B4GALT5: variants seen among roughly 807,000 people sequenced by gnomAD.
B4GALT5 encodes the protein UDP-Gal:beta-GlcNAc beta-1,4-galactosyltransferase 5.
A neutral mutation model predicts 45.0 loss-of-function variants in B4GALT5; 11 were observed. The ratio of observed to expected loss-of-function variants is 0.24; its 90% CI spans 0.15 to 0.40. The LOEUF (loss-of-function observed/expected upper bound fraction) is 0.40, where lower values mean the gene tolerates loss of function less well. Among genes scored for constraint, B4GALT5 ranks in the 10% least tolerant of loss-of-function variants. B4GALT5 has a pLI of 1.00. For synonymous variants in B4GALT5, 185 were observed against 182.9 expected, an observed-to-expected ratio of 1.01 and a Z score of -0.09; for missense variants, 337 against 500.2, an observed-to-expected ratio of 0.67 and a Z score of 3.11.
At chr20:49,679,423 C>CT (rs2085754839) in intron 1 of B4GALT5, among the ~76,000 whole-genome samples, 1 of 151,928 alleles carries the variant, frequency 6.6e-6, no homozygotes, top group Non-Finnish European at 1.5e-5. Context: ...TTTCCCAGCA[C>CT]TTTGGGAGGC....
Position 49,698,438 on chromosome 20 carries a change from C to T in B4GALT5, c.115+15138G>A, listed in dbSNP as rs191003010. On this transcript the variant is annotated intron_variant, in intron 1 of 8. Coordinates refer to ENST00000371711, the MANE Select transcript of B4GALT5 (RefSeq NM_004776.4). ...GTAGCTCTTACCTAAAGTGAATTTT[C>T]CCTAGTGCCAAATGAAATTCAAATA... 3.9e-3 allele frequency among the ~76,000 whole-genome samples: 597 copies of T among 152,290 alleles called. 4 individuals carry two copies. The highest frequency in any genetic ancestry group is 5.6e-3 in the Non-Finnish European group (381 of 68,018).
At chr20:49,674,269 G>A (rs1199891789) in intron 1 of B4GALT5, among the ~76,000 whole-genome samples, 1 of 150,846 alleles carries the variant, frequency 6.6e-6, no homozygotes, top group Non-Finnish European at 1.5e-5. Flanking sequence ...AGTTTGGTTT[G>A]GGATGTATCT....
chr20:49,633,144 G>A lies in B4GALT5; in HGVS notation c.*3168C>T. ...GTAAGAGCAAGCTCAAAAACACGTA[G>A]TGATGGAAATAAGCTAGCTACGCTC... On this transcript the variant is annotated 3_prime_UTR_variant, in exon 9 of 9. Transcript: ENST00000371711. 1 of 152,756 alleles carries A rather than the reference G, an allele frequency of 6.5e-6. No homozygotes were observed. The highest frequency in any genetic ancestry group is 1.9e-4 in the East Asian group (1 of 5,186). The allele number at this position is 152,756 out of a possible 1,614,324, so 9.5% of individuals were successfully genotyped here.
chr20:49,637,132 G>A (rs987480170), intron 8 of B4GALT5, among the ~76,000 whole-genome samples: 2 of 152,112 alleles, frequency 1.3e-5, no homozygotes, highest in South Asian at 2.1e-4. Flanking sequence ...GATTTCCTTC[G>A]AAGAATCTTA....
At chr20:49,665,819 A>G (rs896118137) in intron 1 of B4GALT5, among the ~76,000 whole-genome samples, 1 of 151,236 alleles carries the variant, frequency 6.6e-6, no homozygotes, top group African/African-American at 2.4e-5. Context: ...AGAGCACTGA[A>G]GCAGGAGAGG....
At chr20:49,713,482 C>A in intron 1 of B4GALT5, 94 bp downstream of exon 1, 1 of 1,313,756 alleles carries the variant, frequency 7.6e-7, no homozygotes, top group South Asian at 1.3e-5. Context: ...CTCAGGGCCG[C>A]CTCCCGGCCG....
chr20:49,642,614 G>T, intron 4 of B4GALT5, 30 bp from the exon 5 acceptor site: 2 of 1,507,928 alleles, frequency 1.3e-6, no homozygotes, highest in Non-Finnish European at 1.8e-6. Context: ...AAGAAGCACA[G>T]TTAGGACTCT....
chr20:49,649,225 G>C (rs1372936311), intron 2 of B4GALT5, among the ~76,000 whole-genome samples: 1 of 152,178 alleles, frequency 6.6e-6, no homozygotes, highest in Non-Finnish European at 1.5e-5. Context: ...TTCAGTAGTA[G>C]CTTTCCTGAA....
At position 49,689,729 on chromosome 20, in the gene B4GALT5, T is replaced by A. The variant is rs1035216616; in HGVS notation, c.115+23847A>T. Reference sequence around the variant, plus strand: ...CTTCTTGGTGTAAAAGTTCATGCAATGAATAGGTGTGCATTTGCGGAGTTT... The same window carrying A: ...CTTCTTGGTGTAAAAGTTCATGCAAAGAATAGGTGTGCATTTGCGGAGTTT... On this transcript the variant is annotated intron_variant, in intron 1 of 8. Transcript: ENST00000371711. Among the ~76,000 whole-genome samples the A allele has an allele frequency of 4.6e-5, 7 of 152,166 alleles. No individual in the cohort carries two copies. In the East Asian group the frequency reaches 1.3e-3, roughly 29 times the overall value.
rs559749926 is a variant in B4GALT5 at position 49,697,613 on chromosome 20, A to G, written c.115+15963T>C. Among the ~76,000 whole-genome samples the G allele has an allele frequency of 7.1e-4, 106 of 150,332 alleles. 1 individual carries two copies. In the South Asian group the frequency reaches 0.021, roughly 30 times the overall value. ...TTTTAACAGAAAAACACTCATTTAG[A>G]TACCTGGTTTAGTAAGACATCTGAA... is the stretch of plus-strand genomic sequence containing the variant. On this transcript the variant is annotated intron_variant, in intron 1 of 8. Transcript: ENST00000371711.
At chr20:49,711,541 G>T (rs1208146635) in intron 1 of B4GALT5, among the ~76,000 whole-genome samples, 2 of 152,130 alleles carry the variant, frequency 1.3e-5, no homozygotes, top group Non-Finnish European at 2.9e-5. Context: ...ACTGCCTCTA[G>T]GTCCAAATCC....
intron 1 of B4GALT5, among the ~76,000 whole-genome samples, chr20:49,691,479 C>T (rs1441878530): frequency 6.6e-6 from 1 of 151,882 alleles, no homozygotes; most frequent in Non-Finnish European, 1.5e-5. Context: ...CCATGATTGC[C>T]ACACTGCACT....
At chr20:49,658,270 T>C (rs1395466473) in intron 1 of B4GALT5, among the ~76,000 whole-genome samples, 2 of 152,186 alleles carry the variant, frequency 1.3e-5, no homozygotes, top group African/African-American at 4.8e-5. Flanking sequence ...TAACACCTCA[T>C]TCTCTATTTC....
At chr20:49,638,023 AT>A (rs11386089) in intron 7 of B4GALT5, among the ~76,000 whole-genome samples, 7 of 149,040 alleles carry the variant, frequency 4.7e-5, no homozygotes, top group African/African-American at 7.4e-5. Context: ...GTATCATCTA[AT>A]TTTTTTTTTT....
At chr20:49,681,766 A>G (rs573179377) in intron 1 of B4GALT5, among the ~76,000 whole-genome samples, 3 of 152,306 alleles carry the variant, frequency 2.0e-5, no homozygotes, top group African/African-American at 7.2e-5. Context: ...CATTCCTTAC[A>G]ACAGCAGTCA....
intron 1 of B4GALT5, among the ~76,000 whole-genome samples, chr20:49,694,257 A>C (rs1364409522): frequency 1.3e-5 from 2 of 152,100 alleles, no homozygotes; most frequent in Non-Finnish European, 2.9e-5. Context: ...CCTAGGCTTC[A>C]CACCTACCTA....
intron 1 of B4GALT5, chr20:49,684,643 G>A (rs765817033): frequency 1.9e-6 from 1 of 518,900 alleles, no homozygotes; most frequent in Admixed American, 1.9e-5. Context: ...GTGCCATACA[G>A]TAAGTACTGA....
chr20:49,642,475 A>G lies in B4GALT5; in HGVS notation c.599T>C (p.Val200Ala). 1 of 1,611,462 alleles carries G rather than the reference A, an allele frequency of 6.2e-7. No homozygotes were observed. The highest frequency in any genetic ancestry group is 8.5e-7 in the Non-Finnish European group (1 of 1,177,852). ...RQRLQFAFYVVEQVGTQPFNR... is the reference protein window; with the variant it reads ...RQRLQFAFYVAEQVGTQPFNR... ...AAAGAAAGGACTACTCACTTGTTCA[A>G]CCACATAAAATGCAAACTGCAAGCG... Residue 200 changes from valine to alanine, a missense_variant, in exon 5 of 9, where the codon GTT (valine) becomes GCT (alanine). Physicochemically the swap from Val to Ala is moderately conservative, Grantham distance 64 (BLOSUM62 0). This residue lies in a region of B4GALT5 where 163 missense variants were observed against 292.8 expected (regional missense o/e 0.56). Transcript: ENST00000371711.
intron 1 of B4GALT5, among the ~76,000 whole-genome samples, chr20:49,669,571 C>T (rs72626553): frequency 0.016 from 2,434 of 151,944 alleles, 39 homozygotes; most frequent in East Asian, 0.083. Context: ...TGGTGCATGC[C>T]TGTAATCCCA....
Sources: allele counts gnomAD v4.1 joint callset (sites outside exome capture counted in the v4.1 genomes callset), GRCh38; gene constraint gnomAD v4.1.1; regional missense constraint gnomAD v4.1.1; transcripts MANE v1.5; gene names NCBI Gene and HGNC (gene_info 2026-07-23, HGNC 2026-07-21).